Variants in TMEM248 observed in about 807,000 individuals in gnomAD.
TMEM248 encodes UPF0458 protein C7orf42.
In TMEM248, 9 loss-of-function variants were observed where a neutral mutation model predicts 30.3. The observed-to-expected ratio is 0.30, with a 90% CI of 0.18 to 0.52. TMEM248 has a LOEUF of 0.52. TMEM248 is among the 20% of genes least tolerant of loss of function. The probability of loss-of-function intolerance (pLI) is 0.97; values close to 1 mark genes in which losing one functional copy is unlikely to be tolerated. For missense variants in TMEM248, 338 were observed against 403.3 expected (o/e 0.84, Z 1.39); for synonymous variants, 184 against 154.4 (o/e 1.19, Z -1.42).
intron 4 of TMEM248, among the ~76,000 whole-genome samples, chr7:66,950,720 T>G (rs542447306): frequency 6.6e-6 from 1 of 152,246 alleles, no homozygotes; most frequent in Admixed American, 6.5e-5. Flanking sequence ...ACACCCAAAC[T>G]CCTAAATGTC....
chr7:66,942,062 C>T, intron 2 of TMEM248, 38 bp downstream of exon 2: 1 of 1,599,466 alleles, frequency 6.3e-7, no homozygotes, highest in Non-Finnish European at 8.5e-7. Context: ...CTGGCTGGTC[C>T]TTGTGCAGTG....
chr7:66,947,528 G>A (rs927622312), intron 3 of TMEM248, among the ~76,000 whole-genome samples: 1 of 151,832 alleles, frequency 6.6e-6, no homozygotes, highest in African/African-American at 2.4e-5. Flanking sequence ...TCAGACTCCC[G>A]CGTAGCTGGG....
At chr7:66,925,723 G>T (rs1027085582) in intron 1 of TMEM248, among the ~76,000 whole-genome samples, 1 of 147,750 alleles carries the variant, frequency 6.8e-6, no homozygotes, top group African/African-American at 2.5e-5. Flanking sequence ...ACAGAGTCTC[G>T]CTCTGTTGCC....
chr7:66,943,401 A>C (rs1445477659), intron 2 of TMEM248, among the ~76,000 whole-genome samples: 1 of 152,234 alleles, frequency 6.6e-6, no homozygotes, highest in African/African-American at 2.4e-5. Context: ...CCAGCTCTGT[A>C]GGAACGCATT....
At chr7:66,923,376 A>G (rs1362681062) in intron 1 of TMEM248, among the ~76,000 whole-genome samples, 1 of 152,098 alleles carries the variant, frequency 6.6e-6, no homozygotes, top group Non-Finnish European at 1.5e-5. Context: ...TCCTGACCTC[A>G]GGTGATCTGC....
At chr7:66,931,792 CTTTTTTTT>C (rs1156882038) in intron 1 of TMEM248, among the ~76,000 whole-genome samples, 29 of 88,432 alleles carry the variant, frequency 3.3e-4, no homozygotes, top group Non-Finnish European at 3.2e-4. Flanking sequence ...GGCCTTCCTC[CTTTTTTTT>C]TTTTTTTTTT....
At chr7:66,947,083 C>T (rs529284329) in intron 3 of TMEM248, among the ~76,000 whole-genome samples, 5 of 151,704 alleles carry the variant, frequency 3.3e-5, no homozygotes, top group Non-Finnish European at 5.9e-5. Flanking sequence ...GGTGTTGTGG[C>T]GTGCACCTGT....
At chr7:66,927,732 C>G (rs1770606864) in intron 1 of TMEM248, among the ~76,000 whole-genome samples, 1 of 151,048 alleles carries the variant, frequency 6.6e-6, no homozygotes. Flanking sequence ...GTTGGGATTA[C>G]AGGCATGAAA....
At chr7:66,942,226 A>G (rs1054564435) in intron 2 of TMEM248, among the ~76,000 whole-genome samples, 1 of 152,220 alleles carries the variant, frequency 6.6e-6, no homozygotes, top group African/African-American at 2.4e-5. Context: ...TTCGATTTAA[A>G]TATGCTACCA....
intron 2 of TMEM248, 23 bp from the exon 3 acceptor site, chr7:66,944,953 C>T: frequency 1.1e-5 from 18 of 1,612,052 alleles, no homozygotes; most frequent in Non-Finnish European, 1.5e-5. Flanking sequence ...ACACCCATTT[C>T]TCTTTCTTTC....
At chr7:66,933,549 T>C (rs1791721910) in intron 1 of TMEM248, among the ~76,000 whole-genome samples, 2 of 152,236 alleles carry the variant, frequency 1.3e-5, no homozygotes, top group African/African-American at 4.8e-5. Context: ...TTTAACACTA[T>C]TGATATGTAT....
Position 66,955,716 on chromosome 7 carries a change from C to A in TMEM248, c.*194C>A. 1.4e-6 allele frequency: 1 copy of A among 696,646 alleles called. No individual in the cohort carries two copies. Among genetic ancestry groups the A allele is most frequent in the Non-Finnish European group, 2.3e-6 (1 of 434,478 alleles). 43.2% of individuals were successfully genotyped at this position (696,646 alleles called of 1,614,324 possible). A position where few individuals can be genotyped will look rare whatever the true frequency, so the allele number is the denominator to read the frequency against. ...CTATTCAGAAATTGGTCCAATAATG[C>A]ACGTGCTTTGCCCTGGGTACAGCCA... On this transcript the variant is annotated 3_prime_UTR_variant, in exon 7 of 7. Coordinates refer to ENST00000341567, the MANE Select transcript of TMEM248 (RefSeq NM_017994.5).
At chr7:66,942,686 G>A (rs1791996241) in intron 2 of TMEM248, among the ~76,000 whole-genome samples, 1 of 152,032 alleles carries the variant, frequency 6.6e-6, no homozygotes, top group Admixed American at 6.6e-5. Flanking sequence ...AGTAGAGACG[G>A]GGTTTCGCCA....
At chr7:66,949,149 A>C (rs1397500035) in intron 4 of TMEM248, among the ~76,000 whole-genome samples, 1 of 151,746 alleles carries the variant, frequency 6.6e-6, no homozygotes, top group Non-Finnish European at 1.5e-5. Context: ...TTTAAAAAAA[A>C]AAAAAAAGAA....
At position 66,926,084 on chromosome 7, in the gene TMEM248, C is replaced by G. The variant is rs188255562; in HGVS notation, c.-19+4623C>G. Reference sequence around the variant, plus strand: ...TTGATAAAAGTCATCCTGACAGGCGCGAGATGATATCTCATTGTGATTTTA... The same window carrying G: ...TTGATAAAAGTCATCCTGACAGGCGGGAGATGATATCTCATTGTGATTTTA... On this transcript the variant is annotated intron_variant, in intron 1 of 6. Transcript: ENST00000341567. Among the ~76,000 whole-genome samples the G allele has an allele frequency of 2.6e-5, 4 of 152,134 alleles. No individual in the cohort carries two copies. In the East Asian group the frequency reaches 7.7e-4, roughly 29 times the overall value.
At chr7:66,942,176 C>A in intron 2 of TMEM248, 152 bp downstream of exon 2, 1 of 798,034 alleles carries the variant, frequency 1.3e-6, no homozygotes, top group African/African-American at 1.7e-5. Flanking sequence ...TTCCATCTCC[C>A]CAGGACTCAC....
At chr7:66,938,601 G>A (rs565844824) in intron 1 of TMEM248, among the ~76,000 whole-genome samples, 46 of 152,144 alleles carry the variant, frequency 3.0e-4, no homozygotes, top group Admixed American at 1.4e-3. Flanking sequence ...TCCGCCCTCC[G>A]GGTTCAACTG....
chr7:66,950,958 A>C lies in TMEM248; in HGVS notation c.603A>C (p.Pro201=), dbSNP rs1792248827. 1 of 1,582,520 alleles carries C rather than the reference A, an allele frequency of 6.3e-7. No individual in the cohort carries two copies. Among genetic ancestry groups the C allele is most frequent in the Admixed American group, 1.8e-5 (1 of 54,970 alleles). The change falls in exon 5 of 7, where the codon CCA becomes CCC. Residue 201 remains proline, a synonymous_variant. Coordinates refer to ENST00000341567, the MANE Select transcript of TMEM248 (RefSeq NM_017994.5). ...SPGVFPVTVQ[P]PHCVPDTYSN... is the part of the protein sequence containing the mutation. ...TCCTCCTCTTCTCCTGCAGACAGCC[A>C]CCGCACTGTGTTCCTGACACGTACA... is the stretch of plus-strand genomic sequence containing the variant.
At chr7:66,924,858 C>T (rs1477947894) in intron 1 of TMEM248, among the ~76,000 whole-genome samples, 1 of 151,880 alleles carries the variant, frequency 6.6e-6, no homozygotes, top group Non-Finnish European at 1.5e-5. Context: ...TACAGGCACG[C>T]ACCACCACGC....
Sources: gnomAD v4.1 joint callset for allele counts (sites outside exome capture counted in the v4.1 genomes callset) on GRCh38, gnomAD v4.1.1 for gene constraint, MANE v1.5 for transcripts, NCBI Gene and HGNC (gene_info 2026-07-23, HGNC 2026-07-21) for gene names.